HMGA2: variants seen among roughly 807,000 people sequenced by gnomAD.
HMGA2 encodes the protein high mobility group protein HMGI-C.
A neutral mutation model predicts 19.1 loss-of-function variants in HMGA2; 8 were observed. That is an observed-to-expected ratio of 0.42 (90% CI 0.25 to 0.76). The LOEUF is 0.76. Among genes scored for constraint, HMGA2 ranks in the 30% least tolerant of loss-of-function variants. HMGA2 has a pLI of 0.28. For missense variants in HMGA2, 109 were observed against 136.3 expected, an observed-to-expected ratio of 0.80 and a Z score of 1.00; for synonymous variants, 60 against 48.8, an observed-to-expected ratio of 1.23 and a Z score of -0.96.
chr12:65,931,150 T>G (rs1875694122), intron 3 of HMGA2, among the ~76,000 whole-genome samples: 1 of 152,212 alleles, frequency 6.6e-6, no homozygotes, highest in African/African-American at 2.4e-5. Context: ...CAAGCTTGTT[T>G]TTTGTTCAGC....
chr12:65,934,683 G>A (rs1875832889), intron 3 of HMGA2: 1 of 152,158 alleles, frequency 6.6e-6, no homozygotes, highest in South Asian at 2.1e-4. Context: ...ATGAATAGAA[G>A]TTCCTCACTT....
At chr12:65,916,459 G>A (rs1875105489) in intron 3 of HMGA2, among the ~76,000 whole-genome samples, 1 of 152,088 alleles carries the variant, frequency 6.6e-6, no homozygotes, top group Non-Finnish European at 1.5e-5. Flanking sequence ...TTTCTAATGT[G>A]TCTGCTAGGC....
In HMGA2 at chr12:65,963,855, C is replaced by T. The variant is rs1876827676; in HGVS notation, c.*563C>T. The T allele has an allele frequency of 4.6e-6, 1 of 217,662 alleles. No individual in the cohort carries two copies. Among genetic ancestry groups the T allele is most frequent in the Non-Finnish European group, 9.2e-6 (1 of 108,150 alleles). The allele number at this position is 217,662 out of a possible 1,614,324, so 13.5% of individuals were successfully genotyped here. On this transcript the variant is annotated 3_prime_UTR_variant, in exon 5 of 5. Coordinates refer to ENST00000403681, the MANE Select transcript of HMGA2 (RefSeq NM_003483.6). ...TCTTTTTCGTATAATCTTGTAGACA[C>T]TTACTTGATGATTTTTAACTTTTTA...
At chr12:65,961,529 A>G (rs1876750115) in intron 4 of HMGA2, among the ~76,000 whole-genome samples, 1 of 152,228 alleles carries the variant, frequency 6.6e-6, no homozygotes, top group Non-Finnish European at 1.5e-5. Context: ...TTTCCCACAA[A>G]ACCCAAAGCA....
Position 65,963,980 on chromosome 12 carries a change from T to C in HMGA2, c.*688T>C, listed in dbSNP as rs1364835810. 4.8e-6 allele frequency: 1 copy of C among 208,844 alleles called. No individual in the cohort carries two copies. Among genetic ancestry groups the C allele is most frequent in the Non-Finnish European group, 9.8e-6 (1 of 102,532 alleles). The allele number at this position is 208,844 out of a possible 1,614,324, so 12.9% of individuals were successfully genotyped here. On this transcript the variant is annotated 3_prime_UTR_variant, in exon 5 of 5. Coordinates refer to ENST00000403681, the MANE Select transcript of HMGA2 (RefSeq NM_003483.6). ...AAAAAGGGAAGTAAGCAAACAAATATTGCCAACTCTTCTATTTATGGATAT... is the reference window on the plus strand; with the variant it reads ...AAAAAGGGAAGTAAGCAAACAAATACTGCCAACTCTTCTATTTATGGATAT...
At position 65,824,652 on chromosome 12, in the gene HMGA2, G is replaced by A. The variant is rs1870017158; in HGVS notation, c.-619G>A. 4.3e-6 allele frequency: 1 copy of A among 231,170 alleles called. No homozygotes were observed. Among genetic ancestry groups the A allele is most frequent in the African/African-American group, 2.2e-5 (1 of 44,660 alleles). 14.3% of individuals were successfully genotyped at this position (231,170 alleles called of 1,614,324 possible). ...GTGCTCCGTGCCCGACCCTATCCCG[G>A]CGGAGTCTCCCCATCCTCCTTTGCT... On this transcript the variant is annotated 5_prime_UTR_variant, in exon 1 of 5. Coordinates refer to ENST00000403681, the MANE Select transcript of HMGA2 (RefSeq NM_003483.6).
At chr12:65,861,623 T>TAAAA (rs34142770) in intron 3 of HMGA2, among the ~76,000 whole-genome samples, 36 of 123,938 alleles carry the variant, frequency 2.9e-4, no homozygotes, top group South Asian at 1.2e-3. Flanking sequence ...CCTAAATTGG[T>TAAAA]AAAAAAAAAA....
chr12:65,865,198 ATCGACTGTGT>A, intron 3 of HMGA2, among the ~76,000 whole-genome samples: 1 of 152,202 alleles, frequency 6.6e-6, no homozygotes, highest in East Asian at 1.9e-4. Flanking sequence ...ATATGTGTTA[ATCGACTGTGT>A]TATCAGTAAG....
chr12:65,846,475 T>C (rs1371911905), intron 3 of HMGA2, among the ~76,000 whole-genome samples: 1 of 152,238 alleles, frequency 6.6e-6, no homozygotes, highest in African/African-American at 2.4e-5. Flanking sequence ...ACCCTAACTA[T>C]ATGACCAGGG....
chr12:65,925,542 G>T (rs1875476768), intron 3 of HMGA2, among the ~76,000 whole-genome samples: 1 of 152,152 alleles, frequency 6.6e-6, no homozygotes. Context: ...TATATTTTGT[G>T]AACATCGTTT....
At chr12:65,928,700 A>G (rs1322665251) in intron 3 of HMGA2, among the ~76,000 whole-genome samples, 1 of 152,156 alleles carries the variant, frequency 6.6e-6, no homozygotes, top group African/African-American at 2.4e-5. Flanking sequence ...CTTTTTGGCT[A>G]ACAACTAAGA....
Position 65,900,031 on chromosome 12 carries a change from G to A in HMGA2, c.250-51352G>A, listed in dbSNP as rs546916396. 2.6e-5 allele frequency among the ~76,000 whole-genome samples: 4 copies of A among 152,206 alleles called. No homozygotes were observed. In the East Asian group the frequency reaches 5.8e-4, roughly 22 times the overall value. ...TATTTTGTACTTTTAAAATCTTTAC[G>A]GATAGGGTAATATTTTAATACTTAT... On this transcript the variant is annotated intron_variant, in intron 3 of 4. Coordinates refer to ENST00000403681, the MANE Select transcript of HMGA2 (RefSeq NM_003483.6).
chr12:65,852,322 C>A (rs1871515960), intron 3 of HMGA2, among the ~76,000 whole-genome samples: 1 of 152,066 alleles, frequency 6.6e-6, no homozygotes, highest in Non-Finnish European at 1.5e-5. Flanking sequence ...CATGGTGAAA[C>A]CCCATCTCTA....
intron 3 of HMGA2, among the ~76,000 whole-genome samples, chr12:65,850,992 A>C (rs1235612728): frequency 2.6e-5 from 4 of 152,206 alleles, no homozygotes; most frequent in Non-Finnish European, 5.9e-5. Context: ...GGTGACAGAG[A>C]ACATCTGCTA....
intron 3 of HMGA2, among the ~76,000 whole-genome samples, chr12:65,891,278 C>T (rs924482305): frequency 6.6e-6 from 1 of 152,182 alleles, no homozygotes; most frequent in Non-Finnish European, 1.5e-5. Flanking sequence ...CCAGACAGTG[C>T]TAGGCTTACA....
chr12:65,897,045 G>A (rs1874159415), intron 3 of HMGA2, among the ~76,000 whole-genome samples: 1 of 152,236 alleles, frequency 6.6e-6, no homozygotes, highest in Non-Finnish European at 1.5e-5. Flanking sequence ...CAATAGTGAA[G>A]AAGTGAAATT....
At chr12:65,850,665 C>A (rs1008617101) in intron 3 of HMGA2, among the ~76,000 whole-genome samples, 1 of 152,116 alleles carries the variant, frequency 6.6e-6, no homozygotes, top group African/African-American at 2.4e-5. Context: ...AAGGCAAACA[C>A]AAAATTTCCC....
At chr12:65,909,020 T>C (rs1319266497) in intron 3 of HMGA2, among the ~76,000 whole-genome samples, 5 of 152,244 alleles carry the variant, frequency 3.3e-5, no homozygotes, top group Admixed American at 2.6e-4. Context: ...TAGCAAACTA[T>C]GAGACTGTCT....
chr12:65,893,704 C>T (rs1313264092), intron 3 of HMGA2, among the ~76,000 whole-genome samples: 1 of 152,004 alleles, frequency 6.6e-6, no homozygotes, highest in African/African-American at 2.4e-5. Context: ...GAGCTTTATT[C>T]CAAGAGTTAA....
Sources: allele counts gnomAD v4.1 joint callset (sites outside exome capture counted in the v4.1 genomes callset), GRCh38; gene constraint gnomAD v4.1.1; transcripts MANE v1.5; gene names NCBI Gene and HGNC (gene_info 2026-07-23, HGNC 2026-07-21).